The following NFIB variants were observed in gnomAD, a reference collection of about 807,000 sequenced individuals.
The protein encoded by NFIB is nuclear factor I B.
A neutral mutation model predicts 61.5 loss-of-function variants in NFIB; 11 were observed. That is an observed-to-expected ratio of 0.18 (90% confidence interval 0.11 to 0.30). NFIB has a LOEUF of 0.30. NFIB is among the 10% of genes least tolerant of loss of function. The pLI, the probability that NFIB is intolerant of heterozygous loss-of-function variation, is 1.00. For missense variants in NFIB, 471 were observed against 608.9 expected, an observed-to-expected ratio of 0.77 and a Z score of 2.38; for synonymous variants, 260 against 216.5, an observed-to-expected ratio of 1.20 and a Z score of -1.76.
intron 2 of NFIB, among the ~76,000 whole-genome samples, chr9:14,218,369 G>C (rs933197220): frequency 6.6e-6 from 1 of 152,100 alleles, no homozygotes; most frequent in Non-Finnish European, 1.5e-5. Context: ...TGAACTAAGT[G>C]TTTTCCCTCA....
intron 2 of NFIB, among the ~76,000 whole-genome samples, chr9:14,294,041 A>T (rs1387902850): frequency 1.3e-5 from 2 of 152,106 alleles, no homozygotes; most frequent in Non-Finnish European, 2.9e-5. Context: ...TTCTCCATGC[A>T]CATGTTTTAT....
rs143301352 is a variant in NFIB, at chr9:14,177,272, A to G, written c.616+2455T>C. Among the ~76,000 whole-genome samples, 749 of 152,316 alleles carry G rather than the reference A, an allele frequency of 4.9e-3. 6 individuals are homozygous for G. The highest frequency in any genetic ancestry group is 0.017 in the African/African-American group (723 of 41,578). On this transcript the variant is annotated intron_variant, in intron 3 of 10. Transcript: ENST00000380953. ...AGATAAATTATGTCCTAAAATACCA[A>G]ATATGCTTATACTTAAAAAAGAAGC... is the stretch of plus-strand genomic sequence containing the variant.
At chr9:14,338,323 G>A (rs1361078915) in intron 1 of NFIB, among the ~76,000 whole-genome samples, 2 of 152,156 alleles carry the variant, frequency 1.3e-5, no homozygotes, top group African/African-American at 4.8e-5. Context: ...GAACCCGGGA[G>A]GCGGAGGTTG....
intron 1 of NFIB, among the ~76,000 whole-genome samples, chr9:14,370,729 A>G (rs2061348612): frequency 1.3e-5 from 2 of 152,232 alleles, no homozygotes; most frequent in African/African-American, 2.4e-5. Context: ...TTACCCTGTT[A>G]TGGGTCACCT....
intron 2 of NFIB, among the ~76,000 whole-genome samples, chr9:14,220,577 T>C (rs188075249): frequency 6.6e-6 from 1 of 152,274 alleles, no homozygotes; most frequent in Admixed American, 6.5e-5. Flanking sequence ...CTCTGGATGC[T>C]GGACTTGCAG....
At chr9:14,250,052 A>G (rs993165068) in intron 2 of NFIB, among the ~76,000 whole-genome samples, 5 of 152,102 alleles carry the variant, frequency 3.3e-5, no homozygotes, top group South Asian at 4.2e-4. Context: ...TCTTTTCTTG[A>G]TAAGTCTTAG....
At chr9:14,162,861 C>T (rs1274672928) in intron 3 of NFIB, among the ~76,000 whole-genome samples, 15 of 152,046 alleles carry the variant, frequency 9.9e-5, no homozygotes, top group Admixed American at 9.8e-4. Flanking sequence ...TTACAGTTTA[C>T]TAAGTGGGCT....
intron 1 of NFIB, among the ~76,000 whole-genome samples, chr9:14,343,392 T>C (rs2060976341): frequency 6.6e-6 from 1 of 152,112 alleles, no homozygotes; most frequent in Non-Finnish European, 1.5e-5. Context: ...CCCTATTGGA[T>C]ACTCAGCCTC....
intron 10 of NFIB, among the ~76,000 whole-genome samples, chr9:14,089,537 A>C (rs561921524): frequency 1.3e-5 from 2 of 152,246 alleles, no homozygotes; most frequent in South Asian, 4.2e-4. Context: ...CCAACACTCA[A>C]ATCCGAATGA....
chr9:14,213,432 G>C (rs1376344812), intron 2 of NFIB, among the ~76,000 whole-genome samples: 1 of 152,170 alleles, frequency 6.6e-6, no homozygotes, highest in African/African-American at 2.4e-5. Context: ...ACATGCACAA[G>C]AATCACCCAG....
At chr9:14,356,616 G>A (rs2061178942) in intron 1 of NFIB, among the ~76,000 whole-genome samples, 1 of 151,938 alleles carries the variant, frequency 6.6e-6, no homozygotes. Context: ...TTTTGCCTGG[G>A]GTTTACGAGC....
At chr9:14,179,581 C>A in intron 3 of NFIB, 146 bp downstream of exon 3, 1 of 681,358 alleles carries the variant, frequency 1.5e-6, no homozygotes. Context: ...CTGCAAAGGG[C>A]CTAAGCACAA....
the NFIB span, among the ~76,000 whole-genome samples, chr9:14,420,933 G>C: frequency 1.3e-5 from 2 of 151,664 alleles, no homozygotes; most frequent in Non-Finnish European, 1.5e-5. Flanking sequence ...TTCAACAGTA[G>C]CACCACTGAG....
At chr9:14,382,530 G>A (rs2061500913) in intron 1 of NFIB, among the ~76,000 whole-genome samples, 1 of 152,106 alleles carries the variant, frequency 6.6e-6, no homozygotes, top group Non-Finnish European at 1.5e-5. Context: ...CTGACATGCA[G>A]CCTGGCTCAA....
At chr9:14,322,036 T>C (rs1394025098) in intron 1 of NFIB, 1 of 1,229,780 alleles carries the variant, frequency 8.1e-7, no homozygotes, top group Admixed American at 4.2e-5. Flanking sequence ...ATTTGTGGAT[T>C]TTCTCAGGGG....
chr9:14,442,966 A>G, the NFIB span, among the ~76,000 whole-genome samples: 457 of 152,148 alleles, frequency 3.0e-3, 10 homozygotes, highest in Non-Finnish European at 1.2e-3. Context: ...CACTTGCGAC[A>G]TGGCCAATCC....
intron 10 of NFIB, 59 bp downstream of exon 10, chr9:14,112,927 TGAGAGGCAACATG>T: frequency 6.9e-7 from 1 of 1,442,058 alleles, no homozygotes; most frequent in Non-Finnish European, 9.5e-7. Context: ...AGTCCGGATC[TGAGAGGCAACATG>T]GAGAAGCACG....
At chr9:14,367,139 A>G (rs763045486) in intron 1 of NFIB, among the ~76,000 whole-genome samples, 8 of 152,174 alleles carry the variant, frequency 5.3e-5, no homozygotes, top group Non-Finnish European at 8.8e-5. Context: ...CCCCTACCCT[A>G]TGCAGGTGCT....
the NFIB span, among the ~76,000 whole-genome samples, chr9:14,436,581 G>A: frequency 6.6e-6 from 1 of 152,100 alleles, no homozygotes; most frequent in East Asian, 1.9e-4. Flanking sequence ...CTTAGGATAC[G>A]CATTCAGATT....
Sources: allele counts gnomAD v4.1 joint callset (sites outside exome capture counted in the v4.1 genomes callset), GRCh38; gene constraint gnomAD v4.1.1; transcripts MANE v1.5; gene names NCBI Gene and HGNC (gene_info 2026-07-23, HGNC 2026-07-21).